The following COL13A1 variants were observed in gnomAD, a reference collection of about 807,000 sequenced individuals.
COL13A1 encodes the protein collagen alpha-1(XIII) chain.
Under a neutral mutation model 130.9 loss-of-function variants are expected in COL13A1, and 89 were observed. The observed-to-expected ratio is 0.68, with a 90% confidence interval of 0.57 to 0.81. The LOEUF is 0.81. COL13A1 is among the 30% of genes least tolerant of loss of function. The probability of loss-of-function intolerance (pLI) is 0.00; values close to 1 mark genes in which losing one functional copy is unlikely to be tolerated. For synonymous variants in COL13A1, 402 were observed against 341.6 expected, an observed-to-expected ratio of 1.18 and a Z score of -1.95; for missense variants, 879 against 934.6, an observed-to-expected ratio of 0.94 and a Z score of 0.78.
intron 9 of COL13A1, among the ~76,000 whole-genome samples, chr10:69,889,081 C>T (rs1195245193): frequency 1.3e-5 from 2 of 152,210 alleles, no homozygotes; most frequent in Non-Finnish European, 2.9e-5. Context: ...GCAATCATTT[C>T]CACTCATGTC....
intron 2 of COL13A1, among the ~76,000 whole-genome samples, chr10:69,826,147 A>T (rs572967398): frequency 6.6e-6 from 1 of 152,362 alleles, no homozygotes; most frequent in Non-Finnish European, 1.5e-5. Flanking sequence ...TTTTCTTATT[A>T]ACAAATGAGG....
chr10:69,947,616 A>G (rs554036145), intron 38 of COL13A1, among the ~76,000 whole-genome samples: 1 of 152,230 alleles, frequency 6.6e-6, no homozygotes, highest in East Asian at 1.9e-4. Context: ...AACAAGATCC[A>G]TGTGTCCAGC....
At chr10:69,955,734 A>C (rs970811957) in intron 39 of COL13A1, 2 of 152,182 alleles carry the variant, frequency 1.3e-5, no homozygotes, top group Non-Finnish European at 2.9e-5. Context: ...AATGAAGGTC[A>C]CCCTGATTTG....
intron 1 of COL13A1, among the ~76,000 whole-genome samples, chr10:69,806,262 G>A (rs1028706995): frequency 2.0e-5 from 3 of 152,242 alleles, no homozygotes; most frequent in Admixed American, 1.3e-4. Context: ...TGAGGCACAC[G>A]GCCTGTGCAA....
chr10:69,937,892 C>A (rs1240380659), intron 34 of COL13A1, among the ~76,000 whole-genome samples, 177 bp downstream of exon 34: 1 of 152,208 alleles, frequency 6.6e-6, no homozygotes, highest in East Asian at 1.9e-4. Flanking sequence ...CTCCTCTGGG[C>A]CCAGGCCCCA....
chr10:69,886,458 G>A (rs182721373), intron 7 of COL13A1, among the ~76,000 whole-genome samples: 215 of 152,334 alleles, frequency 1.4e-3, no homozygotes, highest in African/African-American at 4.7e-3. Context: ...GTCAGCCAAA[G>A]GAGACCCCAG....
At chr10:69,873,056 C>T (rs763460359) in intron 4 of COL13A1, among the ~76,000 whole-genome samples, 4 of 152,082 alleles carry the variant, frequency 2.6e-5, no homozygotes, top group Non-Finnish European at 5.9e-5. Flanking sequence ...GTACCATGGG[C>T]CCTCAGATGT....
rs992800717 is a variant in COL13A1 at position 69,922,603 on chromosome 10, C to T, written c.1144-105C>T. Reference sequence around the variant, plus strand: ...AGATAAATCTGGGATTCTGAAGGCCCCTGGTCCCCAGACATCCTGGGGCCC... The same window carrying T: ...AGATAAATCTGGGATTCTGAAGGCCTCTGGTCCCCAGACATCCTGGGGCCC... On this transcript the variant is annotated intron_variant, in intron 22 of 40. Coordinates refer to ENST00000645393, the MANE Select transcript of COL13A1 (RefSeq NM_001368882.1). 8.9e-6 allele frequency: 6 copies of T among 675,752 alleles called. No homozygotes were observed. In the Admixed American group the frequency reaches 1.4e-4, roughly 16 times the overall value. The allele number at this position is 675,752 out of a possible 1,614,324, so 41.9% of individuals were successfully genotyped here. A position where few individuals can be genotyped will look rare whatever the true frequency, so the allele number is the denominator to read the frequency against.
rs1000214403 is a variant in COL13A1, at chr10:69,829,201, T to C, written c.364+6763T>C. The C allele has an allele frequency of 3.0e-6, 3 of 984,608 alleles. No homozygotes were observed. In the African/African-American group the frequency reaches 5.2e-5, roughly 17 times the overall value. The allele number at this position is 984,608 out of a possible 1,614,324, so 61.0% of individuals were successfully genotyped here. On this transcript the variant is annotated intron_variant, in intron 2 of 40. Coordinates refer to ENST00000645393, the MANE Select transcript of COL13A1 (RefSeq NM_001368882.1). Reference sequence around the variant, plus strand: ...GTCTCATTCATCCCACTCTGTCAATTTCCTCCACCTCCACCGTCATCACCC... The same window carrying C: ...GTCTCATTCATCCCACTCTGTCAATCTCCTCCACCTCCACCGTCATCACCC...
At chr10:69,922,684 G>T in intron 22 of COL13A1, 24 bp from the exon 23 acceptor site, 5 of 1,580,152 alleles carry the variant, frequency 3.2e-6, no homozygotes, top group Non-Finnish European at 4.3e-6. Context: ...CACCAGGGAT[G>T]CTAACTCCAC....
At chr10:69,850,565 A>G (rs1048831311) in intron 2 of COL13A1, among the ~76,000 whole-genome samples, 12 of 150,906 alleles carry the variant, frequency 8.0e-5, no homozygotes, top group East Asian at 6.0e-4. Context: ...GGTCTCTGCC[A>G]GCCTGCTCAG....
At chr10:69,820,440 C>T (rs1845767225) in intron 1 of COL13A1, among the ~76,000 whole-genome samples, 1 of 152,228 alleles carries the variant, frequency 6.6e-6, no homozygotes. Context: ...GTGTCATGTG[C>T]CTTCTGGGTG....
At chr10:69,883,222 C>T (rs2060310031) in intron 7 of COL13A1, among the ~76,000 whole-genome samples, 2 of 152,164 alleles carry the variant, frequency 1.3e-5, no homozygotes, top group Admixed American at 1.3e-4. Flanking sequence ...AAGGGAGGCT[C>T]AGTAAATCGA....
chr10:69,913,663 A>G (rs2063618397), intron 17 of COL13A1, among the ~76,000 whole-genome samples: 1 of 152,092 alleles, frequency 6.6e-6, no homozygotes, highest in African/African-American at 2.4e-5. Context: ...GGAGTCCTTG[A>G]TAATGACTCT....
intron 38 of COL13A1, among the ~76,000 whole-genome samples, chr10:69,950,803 T>A (rs1316516207): frequency 6.6e-6 from 1 of 152,186 alleles, no homozygotes; most frequent in African/African-American, 2.4e-5. Context: ...ATAGAGAAAT[T>A]TGAGTAATTT....
rs745800305 is a variant in COL13A1, at chr10:69,928,945, T to C, written c.1431T>C (p.Pro477=). 12 of 1,613,150 alleles carry C rather than the reference T, an allele frequency of 7.4e-6. No individual in the cohort carries two copies. Among genetic ancestry groups the C allele is most frequent in the Non-Finnish European group, 1.0e-5 (12 of 1,179,452 alleles). The change falls in exon 28 of 41, where the codon CCT becomes CCC. Residue 477 remains proline (P), a synonymous_variant. Transcript: ENST00000645393. The part of the protein sequence containing the change: ...EIRTLALMGP[P]GLPGQIGPPG... ...TTTCCTTTCTCTCCTAGGGGCCTCC[T>C]GGTCTTCCTGGGCAAATTGGCCCAC...
chr10:69,947,253 C>T (rs377220846), intron 37 of COL13A1, 54 bp from the exon 38 acceptor site: 171 of 1,540,268 alleles, frequency 1.1e-4, no homozygotes, highest in Non-Finnish European at 1.5e-4. Context: ...AAGCACTGTA[C>T]AGCTGGCCTG....
chr10:69,940,920 T>G, intron 34 of COL13A1, 68 bp from the exon 35 acceptor site: 1 of 1,606,928 alleles, frequency 6.2e-7, no homozygotes, highest in Non-Finnish European at 8.5e-7. Flanking sequence ...TCCCTCCCCA[T>G]TGTTCCCTTT....
Position 69,959,017 on chromosome 10 carries a change from G to A in COL13A1, c.*316G>A, listed in dbSNP as rs947606871. 5.8e-6 allele frequency: 2 copies of A among 343,310 alleles called. No individual in the cohort carries two copies. The highest frequency in any genetic ancestry group is 9.2e-5 in the Admixed American group (2 of 21,850). The allele number at this position is 343,310 out of a possible 1,614,324, so 21.3% of individuals were successfully genotyped here. On this transcript the variant is annotated 3_prime_UTR_variant, in exon 41 of 41. Transcript: ENST00000645393. ...GCCAAAGGGGGCCAGCCAGAACTGA[G>A]GTGCTGGCTAGCTCATGTGTGAATT...
Sources: allele counts gnomAD v4.1 joint callset (sites outside exome capture counted in the v4.1 genomes callset), GRCh38; gene constraint gnomAD v4.1.1; transcripts MANE v1.5; gene names NCBI Gene and HGNC (gene_info 2026-07-23, HGNC 2026-07-21).